Variants in NDUFB9 observed in about 807,000 individuals in gnomAD.
NDUFB9 encodes the protein NADH:ubiquinone oxidoreductase subunit B9.
A neutral mutation model predicts 30.2 loss-of-function variants in NDUFB9; 24 were observed. The observed-to-expected ratio is 0.80, with a 90% CI of 0.58 to 1.12. The LOEUF (loss-of-function observed/expected upper bound fraction) is 1.12. NDUFB9 is among the 50% of genes most tolerant of loss of function. NDUFB9 has a pLI of 0.00. For synonymous variants in NDUFB9, 80 were observed against 84.0 expected, an observed-to-expected ratio of 0.95 and a Z score of 0.26; for missense variants, 204 against 226.0, an observed-to-expected ratio of 0.90 and a Z score of 0.62.
chr8:124,545,364 C>T (rs530676368), intron 2 of NDUFB9, among the ~76,000 whole-genome samples: 21 of 152,220 alleles, frequency 1.4e-4, no homozygotes, highest in Non-Finnish European at 2.6e-4. Context: ...CAGTTGATGT[C>T]GCAAACCTCG....
At chr8:124,546,316 CAGTT>C (rs1822158756) in intron 2 of NDUFB9, among the ~76,000 whole-genome samples, 1 of 152,200 alleles carries the variant, frequency 6.6e-6, no homozygotes, top group African/African-American at 2.4e-5. Context: ...CCTTTGTTAT[CAGTT>C]AATCAATATT....
At chr8:124,541,592 T>G (rs541573023) in intron 1 of NDUFB9, among the ~76,000 whole-genome samples, 55 of 152,324 alleles carry the variant, frequency 3.6e-4, no homozygotes, top group African/African-American at 1.3e-3. Flanking sequence ...ACCCGTGGCC[T>G]AGAAGACTTT....
intron 3 of NDUFB9, among the ~76,000 whole-genome samples, chr8:124,548,743 C>CA (rs1822231394): frequency 1.3e-5 from 2 of 151,982 alleles, no homozygotes; most frequent in African/African-American, 4.8e-5. Flanking sequence ...TAAAAAAAAA[C>CA]AAAGTCAAGC....
At chr8:124,546,687 A>G (rs1209554590) in intron 2 of NDUFB9, 2 of 410,662 alleles carry the variant, frequency 4.9e-6, no homozygotes, top group Non-Finnish European at 8.9e-6. Flanking sequence ...GAGATACTCT[A>G]ATTAAGAGTT....
At chr8:124,540,038 C>T (rs1326605672) in intron 1 of NDUFB9, among the ~76,000 whole-genome samples, 1 of 152,184 alleles carries the variant, frequency 6.6e-6, no homozygotes, top group East Asian at 1.9e-4. Flanking sequence ...GAGTGCCTCG[C>T]CTCCACTCCA....
chr8:124,549,735 A>G, intron 3 of NDUFB9, 26 bp from the exon 4 acceptor site: 1 of 1,610,078 alleles, frequency 6.2e-7, no homozygotes, highest in Non-Finnish European at 8.5e-7. Flanking sequence ...TCCTTTGGTA[A>G]TGATTCCTTC....
intron 3 of NDUFB9, 71 bp from the exon 4 acceptor site, chr8:124,549,690 C>A: frequency 2.1e-6 from 3 of 1,445,650 alleles, no homozygotes; most frequent in Non-Finnish European, 1.9e-6. Context: ...GCTGACCCTT[C>A]ACTGCAGCAG....
In NDUFB9 at chr8:124,539,204, G is replaced by C. The variant is rs1279804398; in HGVS notation, c.18G>C (p.Ser6=). 3.1e-6 allele frequency: 5 copies of C among 1,614,188 alleles called. No individual in the cohort carries two copies. The highest frequency in any genetic ancestry group is 2.2e-5 in the South Asian group (2 of 91,086). The change falls in exon 1 of 4, where the codon TCG becomes TCC. Residue 6 remains serine (S), a synonymous_variant. Coordinates refer to ENST00000276689, the MANE Select transcript of NDUFB9 (RefSeq NM_005005.3). ...GCGCCGTAATGGCGTTCTTGGCGTC[G>C]GGACCCTACCTGACCCATCAGCAAA... MAFLA[S]GPYLTHQQKV...
intron 1 of NDUFB9, among the ~76,000 whole-genome samples, chr8:124,540,802 C>T (rs539118467): frequency 1.3e-5 from 2 of 152,222 alleles, no homozygotes; most frequent in South Asian, 2.1e-4. Flanking sequence ...TGTATGTACT[C>T]GGGCAGCCTC....
chr8:124,547,577 C>A, intron 3 of NDUFB9: 1 of 326,984 alleles, frequency 3.1e-6, no homozygotes, highest in Non-Finnish European at 5.7e-6. Context: ...ATGACTAACA[C>A]TAGGGTGGAT....
At chr8:124,540,105 A>G (rs543459062) in intron 1 of NDUFB9, among the ~76,000 whole-genome samples, 2 of 152,316 alleles carry the variant, frequency 1.3e-5, no homozygotes, top group South Asian at 2.1e-4. Context: ...AAAAAACTCT[A>G]TGGAAAATGG....
In NDUFB9 at chr8:124,543,181, G is replaced by T. The variant is rs1363079117; in HGVS notation, c.196G>T (p.Glu66Ter). ...DMAKATQLLK[E>*]AEEEFWYRQH... Reference sequence around the variant, plus strand: ...GGCGAAGGCCACCCAGCTGCTGAAGGAGGCCGAGGAAGAATTCTGGTACCG... The same window carrying T: ...GGCGAAGGCCACCCAGCTGCTGAAGTAGGCCGAGGAAGAATTCTGGTACCG... Residue 66 changes from glutamate to a stop codon, truncating the protein, a stop_gained, in exon 2 of 4, where the codon GAG becomes TAG. Coordinates refer to ENST00000276689, the MANE Select transcript of NDUFB9 (RefSeq NM_005005.3). LOFTEE classifies it high-confidence loss of function. 3 of 1,614,220 alleles carry T rather than the reference G, an allele frequency of 1.9e-6. No individual in the cohort carries two copies. Among genetic ancestry groups the T allele is most frequent in the Non-Finnish European group, 2.5e-6 (3 of 1,180,032 alleles).
intron 3 of NDUFB9, among the ~76,000 whole-genome samples, 168 bp from the exon 4 acceptor site, chr8:124,549,593 T>G (rs1383939528): frequency 6.6e-6 from 1 of 152,192 alleles, no homozygotes; most frequent in Non-Finnish European, 1.5e-5. Flanking sequence ...AGTGTGGATA[T>G]GAAAATAAAG....
chr8:124,539,813 T>C (rs1350218044), intron 1 of NDUFB9, among the ~76,000 whole-genome samples: 1 of 152,194 alleles, frequency 6.6e-6, no homozygotes, highest in African/African-American at 2.4e-5. Context: ...TTTAGGTCTT[T>C]CTCCAAAGCA....
chr8:124,540,100 A>T (rs1048430897), intron 1 of NDUFB9, among the ~76,000 whole-genome samples: 4 of 152,112 alleles, frequency 2.6e-5, no homozygotes, highest in Non-Finnish European at 4.4e-5. Context: ...TGGGAAAAAA[A>T]CTCTATGGAA....
intron 3 of NDUFB9, among the ~76,000 whole-genome samples, chr8:124,548,478 A>G (rs546166681): frequency 1.6e-4 from 25 of 152,310 alleles, no homozygotes; most frequent in Non-Finnish European, 2.6e-4. Context: ...ACAAGATGTG[A>G]TAGTCATGAG....
intron 3 of NDUFB9, among the ~76,000 whole-genome samples, chr8:124,548,362 G>A (rs184576707): frequency 6.6e-6 from 1 of 152,304 alleles, no homozygotes; most frequent in African/African-American, 2.4e-5. Context: ...AATACATTTG[G>A]GTTAGAAGTT....
rs112098677 is a variant in NDUFB9, at chr8:124,545,902, G to A, written c.295-1098G>A. 2.8e-3 allele frequency among the ~76,000 whole-genome samples: 424 copies of A among 152,290 alleles called. 1 individual carries two copies. The highest frequency in any genetic ancestry group is 4.9e-3 in the Non-Finnish European group (335 of 68,026). ...GTTTTGCCCAGGCTGGAGTGCAATGGCACAATCTCGGCTCACCGCAACCTC... is the reference window on the plus strand; with the variant it reads ...GTTTTGCCCAGGCTGGAGTGCAATGACACAATCTCGGCTCACCGCAACCTC... On this transcript the variant is annotated intron_variant, in intron 2 of 3. Coordinates refer to ENST00000276689, the MANE Select transcript of NDUFB9 (RefSeq NM_005005.3).
At chr8:124,543,010 G>T in intron 1 of NDUFB9, 77 bp from the exon 2 acceptor site, 2 of 1,489,290 alleles carry the variant, frequency 1.3e-6, no homozygotes, top group Non-Finnish European at 9.3e-7. Context: ...TATCAGAAGT[G>T]CAGCCTCCTG....
Sources: gnomAD v4.1 joint callset for allele counts (sites outside exome capture counted in the v4.1 genomes callset) on GRCh38, gnomAD v4.1.1 for gene constraint, MANE v1.5 for transcripts, NCBI Gene and HGNC (gene_info 2026-07-23, HGNC 2026-07-21) for gene names.